Variants in EML1 observed in about 807,000 individuals in gnomAD.
The protein encoded by EML1 is echinoderm microtubule-associated protein-like 1.
EML1 carries 27 observed loss-of-function variants against 110.4 expected under a neutral mutation model. The observed-to-expected ratio is 0.24, with a 90% CI of 0.18 to 0.34. The LOEUF is 0.34. Among genes scored for constraint, EML1 ranks in the 10% least tolerant of loss-of-function variants. EML1 has a pLI of 1.00. For synonymous variants in EML1, 344 were observed against 385.8 expected, an observed-to-expected ratio of 0.89 and a Z score of 1.27; for missense variants, 741 against 1,030.9, an observed-to-expected ratio of 0.72 and a Z score of 3.85.
intron 3 of EML1, among the ~76,000 whole-genome samples, chr14:99,877,123 G>C (rs796082752): frequency 1.1e-4 from 16 of 152,116 alleles, no homozygotes; most frequent in African/African-American, 3.6e-4. Flanking sequence ...CCGAGACCAG[G>C]GGGGCCAGCA....
At chr14:99,891,285 G>T in intron 5 of EML1, 58 bp downstream of exon 5, 1 of 1,608,970 alleles carries the variant, frequency 6.2e-7, no homozygotes, top group Non-Finnish European at 8.5e-7. Context: ...AGAACTCAAG[G>T]GACAGAAAAG....
rs150298166 is a variant in EML1, at chr14:99,938,948, C to T, written c.2192-249C>T. Among the ~76,000 whole-genome samples the T allele has an allele frequency of 2.3e-3, 346 of 152,300 alleles. 1 individual carries two copies. Among genetic ancestry groups the T allele is most frequent in the Admixed American group, 4.8e-3 (73 of 15,294 alleles). On this transcript the variant is annotated intron_variant, in intron 20 of 21. Transcript: ENST00000262233. ...TGAGGCCTCAAAAGACCTGGCAGCC[C>T]GGAAAGCTTGTCTTTGCTCCCCTTG... is the stretch of plus-strand genomic sequence containing the variant.
chr14:99,810,267 T>G (rs1046414494), intron 1 of EML1, among the ~76,000 whole-genome samples: 4 of 152,222 alleles, frequency 2.6e-5, no homozygotes, highest in African/African-American at 4.8e-5. Context: ...GAGACTCTGT[T>G]GACTTTGCTA....
At chr14:99,877,385 C>T (rs1386904820) in intron 3 of EML1, among the ~76,000 whole-genome samples, 1 of 152,150 alleles carries the variant, frequency 6.6e-6, no homozygotes, top group Non-Finnish European at 1.5e-5. Context: ...GGGGAACAAT[C>T]AGCCTCCACT....
At chr14:99,929,101 C>G (rs564057208) in intron 17 of EML1, among the ~76,000 whole-genome samples, 1 of 152,342 alleles carries the variant, frequency 6.6e-6, no homozygotes, top group East Asian at 1.9e-4. Flanking sequence ...GTTTCTATTT[C>G]TTGTCAGTTA....
intron 1 of EML1, among the ~76,000 whole-genome samples, chr14:99,755,995 C>T (rs897502550): frequency 6.6e-6 from 1 of 152,206 alleles, no homozygotes; most frequent in Non-Finnish European, 1.5e-5. Context: ...CAGAGTGTAG[C>T]TCCCATGGCC....
intron 1 of EML1, among the ~76,000 whole-genome samples, chr14:99,815,652 T>C (rs1376187188): frequency 6.6e-6 from 1 of 152,256 alleles, no homozygotes; most frequent in African/African-American, 2.4e-5. Context: ...GTAAATACTT[T>C]CTGCATTCTA....
intron 1 of EML1, among the ~76,000 whole-genome samples, chr14:99,804,898 C>T (rs1396785694): frequency 6.6e-6 from 1 of 152,236 alleles, no homozygotes; most frequent in Non-Finnish European, 1.5e-5. Flanking sequence ...CTGGGAACCA[C>T]TTGCCACCTG....
intron 5 of EML1, among the ~76,000 whole-genome samples, chr14:99,893,703 G>GGT (rs1483121458): frequency 1.3e-5 from 2 of 152,206 alleles, no homozygotes; most frequent in Non-Finnish European, 1.5e-5. Context: ...GTTGTGTACA[G>GGT]GTATCCCTGG....
intron 6 of EML1, among the ~76,000 whole-genome samples, chr14:99,895,269 A>T (rs748172122): frequency 6.6e-6 from 1 of 152,098 alleles, no homozygotes; most frequent in Admixed American, 6.6e-5. Context: ...GTCTCTCCCT[A>T]TGTTGCCCCA....
rs557734441 is a variant in EML1, at chr14:99,935,555, G to A, written c.1910-474G>A. 2.1e-3 allele frequency among the ~76,000 whole-genome samples: 313 copies of A among 152,136 alleles called. 2 individuals are homozygous for A. The highest frequency in any genetic ancestry group is 7.0e-3 in the African/African-American group (292 of 41,536). On this transcript the variant is annotated intron_variant, in intron 17 of 21. Transcript: ENST00000262233. ...TCCCAGCACTTTGGGAGGCCGAGGC[G>A]GGCGGATCACGAGGTCACGAGATCG... is the stretch of plus-strand genomic sequence containing the variant.
intron 3 of EML1, chr14:99,874,926 T>C: frequency 1.2e-6 from 2 of 1,611,384 alleles, no homozygotes; most frequent in Non-Finnish European, 1.7e-6. Context: ...GCCTCTTATA[T>C]GTAGATTAAA....
intron 2 of EML1, among the ~76,000 whole-genome samples, chr14:99,855,433 C>T (rs2058886004): frequency 6.6e-6 from 1 of 152,178 alleles, no homozygotes; most frequent in Non-Finnish European, 1.5e-5. Context: ...GGGGTTTACT[C>T]ACATGTGTTT....
At chr14:99,793,808 A>G (rs1459419317) in intron 1 of EML1, among the ~76,000 whole-genome samples, 2 of 148,480 alleles carry the variant, frequency 1.3e-5, no homozygotes, top group East Asian at 4.0e-4. Context: ...CGCCGGCTCC[A>G]GCACCCGCGG....
chr14:99,811,213 G>A (rs984964495), intron 1 of EML1, among the ~76,000 whole-genome samples: 1 of 147,162 alleles, frequency 6.8e-6, no homozygotes, highest in Non-Finnish European at 1.5e-5. Flanking sequence ...ACAGGGTCTC[G>A]CTCTATCACC....
intron 1 of EML1, among the ~76,000 whole-genome samples, chr14:99,815,387 C>T (rs1270885159): frequency 1.3e-5 from 2 of 151,956 alleles, no homozygotes; most frequent in South Asian, 2.1e-4. Context: ...GTGATCTGCT[C>T]GCCTCGGCTT....
At chr14:99,881,607 CT>C (rs11452810) in intron 4 of EML1, among the ~76,000 whole-genome samples, 4,770 of 144,076 alleles carry the variant, frequency 0.033, 247 homozygotes, top group African/African-American at 0.11. Context: ...TTTCTTTTTC[CT>C]TTTTTTTTTT....
Position 99,940,535 on chromosome 14 carries a change from T to C in EML1, c.*423T>C, listed in dbSNP as rs1392557486. On this transcript the variant is annotated 3_prime_UTR_variant, in exon 22 of 22. Transcript: ENST00000262233. The stretch of plus-strand genomic sequence containing the variant: ...ATGAGGTACTGAACCACGATGGCTG[T>C]TGAGGAATTGGTCCTAAAAGGACAG... 2 of 153,164 alleles carry C rather than the reference T, an allele frequency of 1.3e-5. No homozygotes were observed. The highest frequency in any genetic ancestry group is 2.9e-5 in the Non-Finnish European group (2 of 68,742). The allele number at this position is 153,164 out of a possible 1,614,324, so 9.5% of individuals were successfully genotyped here. A position where few individuals can be genotyped will look rare whatever the true frequency, so the allele number is the denominator to read the frequency against.
intron 2 of EML1, among the ~76,000 whole-genome samples, chr14:99,857,547 A>G (rs551378613): frequency 6.6e-6 from 1 of 152,332 alleles, no homozygotes; most frequent in Admixed American, 6.5e-5. Flanking sequence ...TCACCCGGAA[A>G]GAAACTCCTC....
Sources: allele counts gnomAD v4.1 joint callset (sites outside exome capture counted in the v4.1 genomes callset), GRCh38; gene constraint gnomAD v4.1.1; transcripts MANE v1.5; gene names NCBI Gene and HGNC (gene_info 2026-07-23, HGNC 2026-07-21).